Variants in TBX21 observed in about 807,000 individuals in gnomAD.
The protein encoded by TBX21 is T-box transcription factor TBX21.
TBX21 carries 11 observed loss-of-function variants against 52.2 expected under a neutral mutation model. The observed-to-expected ratio is 0.21, with a 90% confidence interval of 0.13 to 0.35. The LOEUF is 0.35. Among genes scored for constraint, TBX21 ranks in the 10% least tolerant of loss-of-function variants. The pLI, the probability that TBX21 is intolerant of heterozygous loss-of-function variation, is 1.00. For synonymous variants in TBX21, 300 were observed against 316.1 expected, an observed-to-expected ratio of 0.95 and a Z score of 0.54; for missense variants, 625 against 755.1, an observed-to-expected ratio of 0.83 and a Z score of 2.02.
chr17:47,744,657 G>T, intron 5 of TBX21, 91 bp from the exon 6 acceptor site: 1 of 1,600,434 alleles, frequency 6.2e-7, no homozygotes, highest in East Asian at 2.2e-5. Context: ...GCCAGGGAAG[G>T]AGGGTCGGAG....
chr17:47,734,367 T>G (rs963570336), intron 1 of TBX21, among the ~76,000 whole-genome samples: 3 of 151,932 alleles, frequency 2.0e-5, no homozygotes, highest in Non-Finnish European at 4.4e-5. Flanking sequence ...GCCCCTTATC[T>G]CCGGGCCCCC....
In TBX21 at chr17:47,744,754, C is replaced by T. The variant is rs2032308568; in HGVS notation, c.996C>T (p.Tyr332=). Reference sequence around the variant, plus strand: ...GCCTTCTATTTTTTTCTAGCATGTACACATCTGTTGACACCAGCATCCCCT... The same window carrying T: ...GCCTTCTATTTTTTTCTAGCATGTATACATCTGTTGACACCAGCATCCCCT... ...KGFRENFESM[Y]TSVDTSIPSP... The change falls in exon 6 of 6, where the codon TAC becomes TAT. Residue 332 remains tyrosine (Y), a synonymous_variant. Coordinates refer to ENST00000177694, the MANE Select transcript of TBX21 (RefSeq NM_013351.2). 5 of 1,612,802 alleles carry T rather than the reference C, an allele frequency of 3.1e-6. No homozygotes were observed. The highest frequency in any genetic ancestry group is 4.5e-5 in the East Asian group (2 of 44,858).
intron 3 of TBX21, among the ~76,000 whole-genome samples, chr17:47,743,891 AAAAAG>A (rs1189546745): frequency 2.7e-5 from 4 of 149,156 alleles, no homozygotes; most frequent in African/African-American, 1.0e-4. Flanking sequence ...AAAAAAAAAA[AAAAAG>A]AAAAAAGAAA....
chr17:47,739,293 T>G (rs1419085468), intron 1 of TBX21, among the ~76,000 whole-genome samples: 1 of 152,166 alleles, frequency 6.6e-6, no homozygotes, highest in Non-Finnish European at 1.5e-5. Flanking sequence ...TTCCCCAGCC[T>G]CTTCCTGTGT....
chr17:47,734,022 G>A (rs370074269), intron 1 of TBX21, 77 bp downstream of exon 1: 7 of 1,602,860 alleles, frequency 4.4e-6, no homozygotes, highest in East Asian at 2.2e-5. Flanking sequence ...TTTCTGGCTC[G>A]ACAATGCTTC....
intron 2 of TBX21, 24 bp from the exon 3 acceptor site, chr17:47,743,047 G>A (rs912537321): frequency 1.9e-6 from 3 of 1,613,278 alleles, no homozygotes; most frequent in Admixed American, 3.3e-5. Flanking sequence ...GGGGCTGCAT[G>A]TCAAAGAGGT....
intron 1 of TBX21, among the ~76,000 whole-genome samples, chr17:47,741,840 A>T (rs56308324): frequency 0.093 from 14,202 of 152,104 alleles, 854 homozygotes; most frequent in Middle Eastern, 0.14. Context: ...AGAACATTTT[A>T]AAAAACTCTG....
Position 47,733,419 on chromosome 17 carries a change from C to T in TBX21, c.-36C>T. On this transcript the variant is annotated 5_prime_UTR_variant, in exon 1 of 6. Coordinates refer to ENST00000177694, the MANE Select transcript of TBX21 (RefSeq NM_013351.2). The surrounding 1 kb of genome is among the most constrained non-coding windows in gnomAD (Gnocchi z 6.6). ...CCCTCTCGCGCGCGGAGGGGCGGGT[C>T]CTCGACGGCTACGGGAAGGTGCCAG... is the stretch of plus-strand genomic sequence containing the variant. 6.9e-7 allele frequency: 1 copy of T among 1,458,994 alleles called. No individual in the cohort carries two copies. The highest frequency in any genetic ancestry group is 9.0e-7 in the Non-Finnish European group (1 of 1,113,342). The allele number at this position is 1,458,994 out of a possible 1,614,324, so 90.4% of individuals were successfully genotyped here. A position where few individuals can be genotyped will look rare whatever the true frequency, so the allele number is the denominator to read the frequency against.
Position 47,745,455 on chromosome 17 carries a change from C to T in TBX21, c.*89C>T. The T allele has an allele frequency of 2.0e-6, 3 of 1,490,486 alleles. No homozygotes were observed. The highest frequency in any genetic ancestry group is 2.7e-6 in the Non-Finnish European group (3 of 1,120,394). 92.3% of individuals were successfully genotyped at this position (1,490,486 alleles called of 1,614,324 possible). A position where few individuals can be genotyped will look rare whatever the true frequency, so the allele number is the denominator to read the frequency against. ...GGAAACGGATGAAGGACTGAGAAGG[C>T]CCCCGCTCCCTCTGGCCCTTCTCTG... On this transcript the variant is annotated 3_prime_UTR_variant, in exon 6 of 6. Transcript: ENST00000177694.
Position 47,733,279 on chromosome 17 carries a change from C to A in TBX21, c.-176C>A, listed in dbSNP as rs1216062876. ...GAGAGGAAGCCCGAGAGCTGCCGCG[C>A]GCCTGCCGGACGAGGGCGTAGAAGC... On this transcript the variant is annotated 5_prime_UTR_variant, in exon 1 of 6. Coordinates refer to ENST00000177694, the MANE Select transcript of TBX21 (RefSeq NM_013351.2). The surrounding 1 kb of genome is among the most constrained non-coding windows in gnomAD (Gnocchi z 6.6). 1.2e-6 allele frequency: 1 copy of A among 864,760 alleles called. No homozygotes were observed. Among genetic ancestry groups the A allele is most frequent in the Non-Finnish European group, 1.6e-6 (1 of 621,324 alleles). The allele number at this position is 864,760 out of a possible 1,614,324, so 53.6% of individuals were successfully genotyped here.
rs2143434800 is a variant in TBX21, at chr17:47,742,994, T to C, written c.647-77T>C. 1.3e-6 allele frequency: 2 copies of C among 1,581,664 alleles called. No individual in the cohort carries two copies. The highest frequency in any genetic ancestry group is 2.2e-5 in the East Asian group (1 of 44,626). On this transcript the variant is annotated intron_variant, in intron 2 of 5. Transcript: ENST00000177694. This position sits in a 1 kb window ranked among gnomAD's most constrained non-coding sequence, Gnocchi z 4.4. ...CCCCCTGTGTCCTTCCTTACGTCCC[T>C]CTCGGGACAGGCAAAGCCCTACATC...
intron 3 of TBX21, 54 bp downstream of exon 3, chr17:47,743,246 A>G (rs2032287715): frequency 6.2e-7 from 1 of 1,603,454 alleles, no homozygotes; most frequent in African/African-American, 1.3e-5. Context: ...CCTGGGTCTG[A>G]GACCTCCAAG....
At position 47,733,789 on chromosome 17, in the gene TBX21, A is replaced by G. The variant is rs2032170679; in HGVS notation, c.335A>G (p.Asp112Gly). Residue 112 changes from aspartate (D) to glycine (G), a missense_variant, in exon 1 of 6, where the codon GAC (aspartate) becomes GGC (glycine). Coordinates refer to ENST00000177694, the MANE Select transcript of TBX21 (RefSeq NM_013351.2). The surrounding 1 kb of genome is among the most constrained non-coding windows in gnomAD (Gnocchi z 6.6). ...CCGGGCGAGGGCTACGCCGCCCCGG[A>G]CCCGCGCGCCGGGCTCTACCCGGGG... ...YQPGEGYAAP[D>G]PRAGLYPGPR... 1 of 1,560,516 alleles carries G rather than the reference A, an allele frequency of 6.4e-7. No individual in the cohort carries two copies. The highest frequency in any genetic ancestry group is 8.7e-7 in the Non-Finnish European group (1 of 1,154,296).
intron 1 of TBX21, among the ~76,000 whole-genome samples, chr17:47,737,997 G>A (rs1370405323): frequency 6.6e-6 from 1 of 150,992 alleles, no homozygotes; most frequent in East Asian, 1.9e-4. Flanking sequence ...TGTTGCCCAG[G>A]CGGTCTCAAA....
At chr17:47,734,626 T>TGTGTGG (rs2032187919) in intron 1 of TBX21, among the ~76,000 whole-genome samples, 1 of 134,572 alleles carries the variant, frequency 7.4e-6, no homozygotes, top group African/African-American at 2.8e-5. Flanking sequence ...TGTGTGGGTG[T>TGTGTGG]GTGTGTATGG....
chr17:47,734,073 G>A (rs967907826), intron 1 of TBX21, 128 bp downstream of exon 1: 4 of 1,483,750 alleles, frequency 2.7e-6, no homozygotes, highest in Non-Finnish European at 3.7e-6. Context: ...AGCGTAGGGA[G>A]ACAGGGGAAT....
At chr17:47,734,572 T>G (rs1459446508) in intron 1 of TBX21, among the ~76,000 whole-genome samples, 11 of 123,644 alleles carry the variant, frequency 8.9e-5, no homozygotes, top group African/African-American at 3.4e-4. Flanking sequence ...TGTGTGTGTG[T>G]GTGTGTGTGT....
intron 3 of TBX21, 114 bp from the exon 4 acceptor site, chr17:47,744,081 C>A: frequency 7.4e-7 from 1 of 1,344,000 alleles, no homozygotes; most frequent in Non-Finnish European, 1.0e-6. Flanking sequence ...GGGGAATGGA[C>A]AGGATGACCT....
chr17:47,733,635 G>A lies in TBX21; in HGVS notation c.181G>A (p.Gly61Ser). 1.4e-6 allele frequency: 2 copies of A among 1,449,846 alleles called. No individual in the cohort carries two copies. Among genetic ancestry groups the A allele is most frequent in the Non-Finnish European group, 9.0e-7 (1 of 1,106,450 alleles). 89.8% of individuals were successfully genotyped at this position (1,449,846 alleles called of 1,614,324 possible). A position where few individuals can be genotyped will look rare whatever the true frequency, so the allele number is the denominator to read the frequency against. ...GGSLGSPYPGGALVPAPPSRF... is the reference protein window; with the variant it reads ...GGSLGSPYPGSALVPAPPSRF... Reference sequence around the variant, plus strand: ...CAGCCTGGGGTCTCCCTACCCGGGGGGCGCCTTGGTGCCCGCCCCGCCGAG... The same window carrying A: ...CAGCCTGGGGTCTCCCTACCCGGGGAGCGCCTTGGTGCCCGCCCCGCCGAG... The change falls in exon 1 of 6, where the codon GGC becomes AGC. Residue 61 changes from glycine (G) to serine (S), a missense_variant. By Grantham distance (56) the Gly-to-Ser change is moderately conservative. Transcript: ENST00000177694. The surrounding 1 kb of genome is among the most constrained non-coding windows in gnomAD (Gnocchi z 6.6).
Sources: allele counts gnomAD v4.1 joint callset (sites outside exome capture counted in the v4.1 genomes callset), GRCh38; gene constraint gnomAD v4.1.1; non-coding constraint Gnocchi (gnomAD v3.1); transcripts MANE v1.5; gene names NCBI Gene and HGNC (gene_info 2026-07-23, HGNC 2026-07-21).